Variants in PTPN14 observed in about 807,000 individuals in gnomAD.
PTPN14 encodes the protein protein tyrosine phosphatase non-receptor type 14, also known as tyrosine-protein phosphatase non-receptor type 14.
PTPN14 carries 53 observed loss-of-function variants against 126.8 expected under a neutral mutation model. The ratio of observed to expected loss-of-function variants is 0.42; its 90% CI spans 0.34 to 0.53. The LOEUF (loss-of-function observed/expected upper bound fraction) is 0.53. Ranked by LOEUF, PTPN14 falls within the 20% of genes least tolerant of loss-of-function variation. The pLI is 0.08. For synonymous variants in PTPN14, 630 were observed against 599.3 expected (o/e 1.05, Z -0.75); for missense variants, 1,257 against 1,552.9 (o/e 0.81, Z 3.20).
intron 1 of PTPN14, among the ~76,000 whole-genome samples, chr1:214,504,523 C>A (rs974541850): frequency 3.3e-5 from 5 of 152,200 alleles, no homozygotes; most frequent in Non-Finnish European, 5.9e-5. Flanking sequence ...AAATGGCAGG[C>A]ACCCAGGAAC....
intron 5 of PTPN14, 101 bp downstream of exon 5, chr1:214,411,583 C>G: frequency 1.2e-6 from 1 of 846,402 alleles, no homozygotes; most frequent in Non-Finnish European, 1.8e-6. Flanking sequence ...GACTTTTTCC[C>G]CAGGGAATAT....
rs371578549 is a variant in PTPN14 at position 214,511,010 on chromosome 1, G to A, written c.-155+40173C>T. ...CTCCCACCTCAGCTCCTGAGTATCC[G>A]TGACTACAGGCACACATGCCACCAG... On this transcript the variant is annotated intron_variant, in intron 1 of 18. Transcript: ENST00000366956. 1.9e-4 allele frequency among the ~76,000 whole-genome samples: 29 copies of A among 151,992 alleles called. No homozygotes were observed. In the South Asian group the frequency reaches 4.8e-3, roughly 25 times the overall value.
At chr1:214,544,538 T>C (rs965077372) in intron 1 of PTPN14, among the ~76,000 whole-genome samples, 4 of 151,954 alleles carry the variant, frequency 2.6e-5, no homozygotes, top group Admixed American at 1.3e-4. Context: ...TCACCTGAGG[T>C]CAGGAGTTCG....
At chr1:214,423,853 C>T (rs1659598829) in intron 3 of PTPN14, among the ~76,000 whole-genome samples, 1 of 151,948 alleles carries the variant, frequency 6.6e-6, no homozygotes, top group African/African-American at 2.4e-5. Context: ...TGGTGGCTCA[C>T]GCCTGTAATT....
At chr1:214,452,603 G>A (rs17023002) in intron 2 of PTPN14, among the ~76,000 whole-genome samples, 10,473 of 152,250 alleles carry the variant, frequency 0.069, 1,243 homozygotes, top group African/African-American at 0.24. Context: ...CACAGCTGCT[G>A]CAGGAGCCCC....
chr1:214,433,922 C>A (rs10864095), intron 3 of PTPN14, among the ~76,000 whole-genome samples: 47,463 of 124,038 alleles, frequency 0.38, 9,291 homozygotes, highest in South Asian at 0.45. Flanking sequence ...GACATTATTT[C>A]CACACACACA....
At chr1:214,547,125 G>T (rs999907015) in intron 1 of PTPN14, among the ~76,000 whole-genome samples, 9 of 151,980 alleles carry the variant, frequency 5.9e-5, no homozygotes, top group African/African-American at 2.2e-4. Context: ...CTTTAATTCA[G>T]AATTATAAAT....
intron 18 of PTPN14, among the ~76,000 whole-genome samples, chr1:214,360,162 T>G (rs997887496): frequency 2.0e-5 from 3 of 152,118 alleles, no homozygotes; most frequent in African/African-American, 7.2e-5. Context: ...AAGAAAATAA[T>G]AAAAACTCAG....
intron 2 of PTPN14, among the ~76,000 whole-genome samples, chr1:214,456,893 G>A (rs1484991578): frequency 3.3e-5 from 5 of 152,150 alleles, no homozygotes; most frequent in Admixed American, 6.5e-5. Flanking sequence ...CTCTTCAGTC[G>A]ATTCTTAATC....
At chr1:214,407,970 G>T (rs1350462273) in intron 5 of PTPN14, among the ~76,000 whole-genome samples, 1 of 151,864 alleles carries the variant, frequency 6.6e-6, no homozygotes, top group Non-Finnish European at 1.5e-5. Flanking sequence ...GATGCTTTCT[G>T]AACACCCAGG....
intron 1 of PTPN14, among the ~76,000 whole-genome samples, chr1:214,526,311 A>G (rs1405409613): frequency 6.6e-6 from 1 of 152,154 alleles, no homozygotes; most frequent in Non-Finnish European, 1.5e-5. Flanking sequence ...TTTTTAGACA[A>G]TAAAGTGACT....
rs986753436 is a variant in PTPN14, at chr1:214,368,883, G to A, written c.3271+574C>T. ...TATAGTCCCAGCTACTTGGGAGGCT[G>A]AGGCAGGAGAATTGCTTGAATCTGA... On this transcript the variant is annotated intron_variant, in intron 17 of 18. Coordinates refer to ENST00000366956, the MANE Select transcript of PTPN14 (RefSeq NM_005401.5). Among the ~76,000 whole-genome samples the A allele has an allele frequency of 7.2e-5, 11 of 152,322 alleles. 1 individual carries two copies. The highest frequency in any genetic ancestry group is 6.5e-4 in the Admixed American group (10 of 15,302).
At chr1:214,411,253 T>C (rs1659303256) in intron 5 of PTPN14, among the ~76,000 whole-genome samples, 1 of 152,120 alleles carries the variant, frequency 6.6e-6, no homozygotes, top group African/African-American at 2.4e-5. Context: ...AACATAGTAC[T>C]GGAAGTCCTA....
chr1:214,435,497 TA>T (rs962148690), intron 3 of PTPN14, among the ~76,000 whole-genome samples: 34 of 148,416 alleles, frequency 2.3e-4, no homozygotes, highest in South Asian at 2.1e-3. Flanking sequence ...TGAAACCCTT[TA>T]AAAAAAAAAG....
intron 2 of PTPN14, among the ~76,000 whole-genome samples, chr1:214,456,416 C>A (rs1191847728): frequency 1.3e-5 from 2 of 152,148 alleles, no homozygotes; most frequent in African/African-American, 4.8e-5. Context: ...GCACTTCATG[C>A]AATTACATTC....
intron 2 of PTPN14, among the ~76,000 whole-genome samples, chr1:214,454,805 T>C (rs1660347111): frequency 6.6e-6 from 1 of 152,150 alleles, no homozygotes; most frequent in African/African-American, 2.4e-5. Flanking sequence ...TCCAGTGAAA[T>C]AATTACATAA....
At chr1:214,517,351 A>G (rs1655129222) in intron 1 of PTPN14, among the ~76,000 whole-genome samples, 2 of 152,080 alleles carry the variant, frequency 1.3e-5, no homozygotes, top group African/African-American at 4.8e-5. Context: ...TGGAGAAGGG[A>G]AAAGCCTTCA....
intron 1 of PTPN14, among the ~76,000 whole-genome samples, chr1:214,490,702 T>C (rs2102416680): frequency 6.6e-6 from 1 of 150,978 alleles, no homozygotes; most frequent in South Asian, 2.1e-4. Flanking sequence ...CCAGGCGTGG[T>C]GGTGCGCGCC....
chr1:214,488,101 C>T (rs1400887415), intron 1 of PTPN14, among the ~76,000 whole-genome samples: 2 of 152,200 alleles, frequency 1.3e-5, no homozygotes, highest in African/African-American at 4.8e-5. Flanking sequence ...GTCCTATACA[C>T]CATACAACAC....
Sources: allele counts gnomAD v4.1 joint callset (sites outside exome capture counted in the v4.1 genomes callset), GRCh38; gene constraint gnomAD v4.1.1; transcripts MANE v1.5; gene names NCBI Gene and HGNC (gene_info 2026-07-23, HGNC 2026-07-21).